The following NOX5 variants were observed in gnomAD, a reference collection of about 807,000 sequenced individuals.
NOX5 encodes the protein NADPH oxidase, EF-hand calcium binding domain 5.
A neutral mutation model predicts 85.7 loss-of-function variants in NOX5; 76 were observed. The ratio of observed to expected loss-of-function variants is 0.89; its 90% confidence interval spans 0.74 to 1.07. The LOEUF (loss-of-function observed/expected upper bound fraction) is 1.07. Ranked by LOEUF, NOX5 falls within the 50% of genes least tolerant of loss-of-function variation. The pLI, the probability that NOX5 is intolerant of heterozygous loss-of-function variation, is 0.00. For missense variants in NOX5, 973 were observed against 999.5 expected (o/e 0.97, Z 0.36); for synonymous variants, 405 against 401.4 (o/e 1.01, Z -0.11).
intron 1 of NOX5, among the ~76,000 whole-genome samples, chr15:69,016,946 C>T (rs1483766132): frequency 1.3e-5 from 2 of 152,102 alleles, no homozygotes; most frequent in Non-Finnish European, 2.9e-5. Flanking sequence ...TTCAGGCCAT[C>T]ATGGGAAGGA....
chr15:69,033,095 C>T lies in NOX5; in HGVS notation c.673C>T (p.Arg225Cys), dbSNP rs1366095866. 3.2e-6 allele frequency: 5 copies of T among 1,555,076 alleles called. No individual in the cohort carries two copies. In the East Asian group the frequency reaches 9.4e-5, roughly 29 times the overall value. ...CCCCCGCCCACGCCCGCGCCGGCCG[C>T]GCCAGCTGACCCGCGCCTACTGGCA... Reference protein sequence around the residue: ...PAPRPRPRRPRQLTRAYWHNH... With the variant: ...PAPRPRPRRPCQLTRAYWHNH... Residue 225 changes from arginine (R) to cysteine (C), a missense_variant, in exon 5 of 16, where the codon CGC becomes TGC. Coordinates refer to ENST00000388866, the MANE Select transcript of NOX5 (RefSeq NM_024505.4).
intron 2 of NOX5, among the ~76,000 whole-genome samples, chr15:69,027,401 A>G (rs965990690): frequency 6.6e-6 from 1 of 152,220 alleles, no homozygotes; most frequent in African/African-American, 2.4e-5. Flanking sequence ...GGTACTACCC[A>G]GGGATCCTGG....
intron 1 of NOX5, among the ~76,000 whole-genome samples, chr15:69,020,428 C>T (rs2140245845): frequency 6.6e-6 from 1 of 152,080 alleles, no homozygotes; most frequent in East Asian, 1.9e-4. Flanking sequence ...TACATTTAGG[C>T]ATTTATAATT....
At chr15:69,053,310 G>T (rs934089193) in intron 14 of NOX5, among the ~76,000 whole-genome samples, 1 of 152,178 alleles carries the variant, frequency 6.6e-6, no homozygotes, top group African/African-American at 2.4e-5. Context: ...TCATAGGATT[G>T]TCATGGGAAT....
chr15:69,056,473 G>C, intron 15 of NOX5, 92 bp from the exon 16 acceptor site: 1 of 1,525,998 alleles, frequency 6.6e-7, no homozygotes, highest in Non-Finnish European at 8.9e-7. Context: ...CTGCCGACCC[G>C]TTATGCTGTT....
chr15:69,051,035 CAAGT>C (rs1019372817), intron 14 of NOX5, among the ~76,000 whole-genome samples: 28 of 152,198 alleles, frequency 1.8e-4, no homozygotes, highest in African/African-American at 6.5e-4. Flanking sequence ...ATTTTCAGAG[CAAGT>C]GAGTAGCCTC....
chr15:69,048,909 C>G, intron 13 of NOX5, 50 bp from the exon 14 acceptor site: 2 of 1,420,894 alleles, frequency 1.4e-6, no homozygotes, highest in South Asian at 2.4e-5. Flanking sequence ...TGTGAGCCTC[C>G]TGCAAATCAG....
At chr15:69,045,607 TTCTC>T (rs1375277915) in intron 10 of NOX5, among the ~76,000 whole-genome samples, 5 of 78,396 alleles carry the variant, frequency 6.4e-5, no homozygotes, top group Admixed American at 1.3e-4. Context: ...TCTTTTTTTT[TTCTC>T]TCTCTCTCTC....
At chr15:69,036,919 T>G in intron 7 of NOX5, 109 bp from the exon 8 acceptor site, 2 of 845,814 alleles carry the variant, frequency 2.4e-6, no homozygotes, top group East Asian at 2.5e-5. Flanking sequence ...CGGGAGAGAG[T>G]CAAGGCTCTG....
In NOX5 at chr15:69,028,279, A is replaced by C; in HGVS notation, c.239A>C (p.Gln80Pro). The change falls in exon 3 of 16, where the codon CAG (glutamine) becomes CCG (proline). Residue 80 changes from glutamine (Q) to proline (P), a missense_variant. Transcript: ENST00000388866. Reference protein sequence around the residue: ...DSDRSGTITLQELQEALTLLI... With the variant: ...DSDRSGTITLPELQEALTLLI... ...GATAGAAGTGGCACCATCACCCTCC[A>C]GGAGCTGCAGGAGGCACTGACCCTG... The C allele has an allele frequency of 6.2e-7, 1 of 1,613,424 alleles. No individual in the cohort carries two copies. The highest frequency in any genetic ancestry group is 1.1e-5 in the South Asian group (1 of 90,996).
At chr15:69,039,173 C>G (rs1176938309) in intron 9 of NOX5, among the ~76,000 whole-genome samples, 184 bp downstream of exon 9, 2 of 152,196 alleles carry the variant, frequency 1.3e-5, no homozygotes, top group Non-Finnish European at 2.9e-5. Flanking sequence ...AGGGCTGTAC[C>G]AGCTGCACTG....
At chr15:69,043,022 G>T (rs1017620831) in intron 10 of NOX5, among the ~76,000 whole-genome samples, 2 of 152,198 alleles carry the variant, frequency 1.3e-5, no homozygotes, top group Admixed American at 6.5e-5. Context: ...CCATTAGAAG[G>T]GGGAGAGAGC....
chr15:69,054,664 C>T (rs965964454), intron 14 of NOX5, among the ~76,000 whole-genome samples: 3 of 152,224 alleles, frequency 2.0e-5, no homozygotes, highest in African/African-American at 7.2e-5. Context: ...TTACTCTCAC[C>T]CCTTGTCCCA....
intron 12 of NOX5, 69 bp from the exon 13 acceptor site, chr15:69,047,761 G>A (rs1252333118): frequency 1.9e-6 from 3 of 1,541,628 alleles, no homozygotes; most frequent in African/African-American, 2.7e-5. Context: ...CCTGTCCCCT[G>A]AACTGTTCTC....
At chr15:69,056,419 AGCTGT>A in intron 15 of NOX5, 141 bp from the exon 16 acceptor site, 1 of 1,011,722 alleles carries the variant, frequency 9.9e-7, no homozygotes, top group South Asian at 1.6e-5. Context: ...AAAACCCAGC[AGCTGT>A]GCCATGCAGC....
intron 3 of NOX5, chr15:69,031,225 A>G (rs1012398669): frequency 2.1e-6 from 1 of 472,324 alleles, no homozygotes; most frequent in African/African-American, 1.9e-5. Context: ...GGCTGTGGGC[A>G]CACCGCCCCT....
chr15:69,047,601 C>T (rs2050692093), intron 12 of NOX5, 64 bp downstream of exon 12: 3 of 1,562,746 alleles, frequency 1.9e-6, no homozygotes, highest in South Asian at 2.4e-5. Flanking sequence ...CTCCCTGCTC[C>T]TCCTCCCTTT....
At chr15:69,033,349 C>G (rs1251742231) in intron 5 of NOX5, 72 bp downstream of exon 5, 1 of 1,484,942 alleles carries the variant, frequency 6.7e-7, no homozygotes, top group Non-Finnish European at 9.0e-7. Flanking sequence ...CTAGACAGAG[C>G]GACCCACAGA....
chr15:69,047,212 C>T (rs2140276436), intron 11 of NOX5: 2 of 661,054 alleles, frequency 3.0e-6, no homozygotes, highest in East Asian at 2.9e-5. Flanking sequence ...ACTGTAACAC[C>T]TAGAGCTCTC....
Sources: allele counts gnomAD v4.1 joint callset (sites outside exome capture counted in the v4.1 genomes callset), GRCh38; gene constraint gnomAD v4.1.1; transcripts MANE v1.5; gene names NCBI Gene and HGNC (gene_info 2026-07-23, HGNC 2026-07-21).